The following HS1BP3 variants were observed in gnomAD, a reference collection of about 807,000 sequenced individuals.
HS1BP3 encodes the protein HCLS1 binding protein 3.
A neutral mutation model predicts 33.5 loss-of-function variants in HS1BP3; 32 were observed. The ratio of observed to expected loss-of-function variants is 0.95; its 90% confidence interval spans 0.72 to 1.28. HS1BP3 has a LOEUF of 1.28. HS1BP3 is among the 50% of genes most tolerant of loss of function. HS1BP3 has a pLI of 0.00. For missense variants in HS1BP3, 486 were observed against 502.3 expected (o/e 0.97, Z 0.31); for synonymous variants, 187 against 209.2 (o/e 0.89, Z 0.92).
At chr2:20,647,886 C>T (rs1007045692) in intron 1 of HS1BP3, among the ~76,000 whole-genome samples, 1 of 152,188 alleles carries the variant, frequency 6.6e-6, no homozygotes, top group Admixed American at 6.5e-5. Context: ...GGTGTGCCCT[C>T]ACCATCTCTA....
At chr2:20,581,610 A>G (rs968784524) in intron 5 of HS1BP3, among the ~76,000 whole-genome samples, 1 of 152,168 alleles carries the variant, frequency 6.6e-6, no homozygotes, top group African/African-American at 2.4e-5. Context: ...TCAACCTCCC[A>G]AAGTGCTGGG....
At chr2:20,581,820 A>C (rs1021837298) in intron 5 of HS1BP3, among the ~76,000 whole-genome samples, 1 of 152,166 alleles carries the variant, frequency 6.6e-6, no homozygotes, top group African/African-American at 2.4e-5. Context: ...ACTACCTTGC[A>C]GCTGTATGCT....
chr2:20,638,204 GA>G (rs2149300300), intron 4 of HS1BP3: 1 of 594,142 alleles, frequency 1.7e-6, no homozygotes, highest in South Asian at 2.1e-5. Context: ...GACATCCTGT[GA>G]CCCGAGAAGG....
At chr2:20,607,348 G>T (rs540032384) in intron 2 of HS1BP3, among the ~76,000 whole-genome samples, 1 of 152,200 alleles carries the variant, frequency 6.6e-6, no homozygotes, top group Non-Finnish European at 1.5e-5. Context: ...AAGAGACAGG[G>T]TTTCACCATG....
rs35644786 is a variant in HS1BP3 at position 20,601,770 on chromosome 2, C to CTTTTT, written c.179-3510_179-3506dup. Among the ~76,000 whole-genome samples, 195 of 69,148 alleles carry CTTTTT rather than the reference C, an allele frequency of 2.8e-3. 46 individuals carry two copies. Among genetic ancestry groups the CTTTTT allele is most frequent in the African/African-American group, 5.8e-3 (106 of 18,222 alleles). The allele number at this position is 69,148 out of a possible 152,430, so 45.4% of individuals were successfully genotyped here. A position where few individuals can be genotyped will look rare whatever the true frequency, so the allele number is the denominator to read the frequency against. ...ATCACCCAGTTTTCAAGTGTGTCTT[C>CTTTTT]TTTTTTTTTTTTTTTTTTTTTTTTT... On this transcript the variant is annotated intron_variant, in intron 2 of 3. Transcript: ENST00000415264.
chr2:20,590,362 T>C (rs562572751), downstream of HS1BP3, among the ~76,000 whole-genome samples: 2 of 152,270 alleles, frequency 1.3e-5, no homozygotes, highest in African/African-American at 4.8e-5. Context: ...CCTCTGTTTG[T>C]TCTTTACTGA....
intron 4 of HS1BP3, among the ~76,000 whole-genome samples, chr2:20,625,814 G>A (rs1558341183): frequency 6.6e-6 from 1 of 152,148 alleles, no homozygotes. Context: ...GTTACGGGCT[G>A]GATAAGTAAA....
In HS1BP3 at chr2:20,575,764, C is replaced by A. The variant is rs1225204594; in HGVS notation, c.303-15249G>T. ...CGCCTCTGTCTCCTTGGTTCCACCC[C>A]CCCCCCCCCCTTCAGGCTACCCCAG... On this transcript the variant is annotated intron_variant, in intron 5 of 5. Coordinates refer to the HS1BP3 transcript ENST00000446825. Among the ~76,000 whole-genome samples the A allele has an allele frequency of 1.8e-3, 11 of 6,082 alleles. No individual in the cohort carries two copies. The Admixed American group carries it at 0.051, about 28-fold the overall frequency. 4.0% of individuals were successfully genotyped at this position (6,082 alleles called of 152,430 possible).
chr2:20,638,323 G>T, intron 4 of HS1BP3, 113 bp downstream of exon 4: 1 of 1,049,290 alleles, frequency 9.5e-7, no homozygotes, highest in Non-Finnish European at 1.4e-6. Context: ...AGATCCCTGC[G>T]AGGGGGCGAC....
At chr2:20,583,964 G>A (rs2149276626) in intron 5 of HS1BP3, among the ~76,000 whole-genome samples, 1 of 152,324 alleles carries the variant, frequency 6.6e-6, no homozygotes, top group South Asian at 2.1e-4. Context: ...GTTTCTGAAT[G>A]TCACCATATT....
intron 2 of HS1BP3, among the ~76,000 whole-genome samples, chr2:20,644,200 T>C (rs1310770633): frequency 6.6e-6 from 1 of 152,208 alleles, no homozygotes; most frequent in Non-Finnish European, 1.5e-5. Flanking sequence ...AATGAGTGTG[T>C]GATCTCAACC....
At chr2:20,571,781 G>A (rs1693280832) in intron 5 of HS1BP3, among the ~76,000 whole-genome samples, 1 of 152,204 alleles carries the variant, frequency 6.6e-6, no homozygotes, top group African/African-American at 2.4e-5. Context: ...AGGTCCACCT[G>A]CTCACATCAG....
At chr2:20,577,399 T>C (rs746744014) in intron 5 of HS1BP3, among the ~76,000 whole-genome samples, 34 of 152,242 alleles carry the variant, frequency 2.2e-4, no homozygotes, top group African/African-American at 3.1e-4. Flanking sequence ...AAGAGCATGA[T>C]TCTTGGGGTT....
At chr2:20,587,062 G>A (rs1039221773) in intron 5 of HS1BP3, among the ~76,000 whole-genome samples, 2 of 152,086 alleles carry the variant, frequency 1.3e-5, no homozygotes, top group African/African-American at 4.8e-5. Context: ...TAAATGTCTT[G>A]AAATTTTCTC....
intron 5 of HS1BP3, among the ~76,000 whole-genome samples, chr2:20,570,483 A>G (rs557914313): frequency 1.3e-5 from 2 of 152,192 alleles, no homozygotes; most frequent in Non-Finnish European, 2.9e-5. Context: ...GCTCATTGGT[A>G]CTCGATGTCG....
chr2:20,594,439 G>C (rs1416683041), intron 3 of HS1BP3, among the ~76,000 whole-genome samples: 1 of 152,232 alleles, frequency 6.6e-6, no homozygotes, highest in Non-Finnish European at 1.5e-5. Flanking sequence ...TGGCCTGCCT[G>C]CTGGGAAGGC....
downstream of HS1BP3, chr2:20,592,309 C>A: frequency 6.2e-6 from 1 of 161,428 alleles, no homozygotes. Context: ...CAAGGGATTC[C>A]CTGTCTGGCC....
At chr2:20,609,878 C>T (rs1330006494) in intron 2 of HS1BP3, among the ~76,000 whole-genome samples, 2 of 152,104 alleles carry the variant, frequency 1.3e-5, no homozygotes, top group Non-Finnish European at 2.9e-5. Flanking sequence ...ACTGGAAACC[C>T]CTCCCACCAT....
intron 5 of HS1BP3, among the ~76,000 whole-genome samples, chr2:20,583,705 C>T (rs954267934): frequency 1.3e-5 from 2 of 152,190 alleles, no homozygotes; most frequent in African/African-American, 4.8e-5. Flanking sequence ...GTGAGTCCCC[C>T]AGTAGAGGAA....
Sources: allele counts gnomAD v4.1 joint callset (sites outside exome capture counted in the v4.1 genomes callset), GRCh38; gene constraint gnomAD v4.1.1; transcripts MANE v1.5; gene names NCBI Gene and HGNC (gene_info 2026-07-23, HGNC 2026-07-21).